Variants in RNF125 observed in about 807,000 individuals in gnomAD.
The protein encoded by RNF125 is ring finger protein 125, also known as E3 ubiquitin-protein ligase RNF125.
A neutral mutation model predicts 26.0 loss-of-function variants in RNF125; 21 were observed. That is an observed-to-expected ratio of 0.81 (90% CI 0.57 to 1.16). RNF125 has a LOEUF of 1.16. RNF125 is among the 50% of genes most tolerant of loss of function. The probability of loss-of-function intolerance (pLI) is 0.00; values close to 1 mark genes in which losing one functional copy is unlikely to be tolerated. For synonymous variants in RNF125, 95 were observed against 109.2 expected (o/e 0.87, Z 0.81); for missense variants, 270 against 299.4 (o/e 0.90, Z 0.72).
intron 4 of RNF125, among the ~76,000 whole-genome samples, chr18:32,048,473 AG>A (rs1478195846): frequency 6.6e-6 from 1 of 151,972 alleles, no homozygotes; most frequent in East Asian, 1.9e-4. Flanking sequence ...AAAAAAAAAG[AG>A]AGAAAATCCT....
chr18:32,055,839 T>C lies in RNF125; in HGVS notation c.505-10063T>C, dbSNP rs1351631009. On this transcript the variant is annotated intron_variant, in intron 4 of 5. Coordinates refer to ENST00000217740, the MANE Select transcript of RNF125 (RefSeq NM_017831.4). ...TACTAAAAATACAAAATTAGCCGGG[T>C]GTGGTGGCGCATGCCTGTAATCCCA... Among the ~76,000 whole-genome samples, 6 of 151,066 alleles carry C rather than the reference T, an allele frequency of 4.0e-5. No homozygotes were observed. In the South Asian group the frequency reaches 1.0e-3, roughly 26 times the overall value.
At chr18:32,019,879 G>A (rs1055031805) in intron 1 of RNF125, among the ~76,000 whole-genome samples, 5 of 152,320 alleles carry the variant, frequency 3.3e-5, no homozygotes, top group Non-Finnish European at 7.3e-5. Context: ...CACAGTTGGT[G>A]CAAAGCCGTG....
At chr18:32,020,143 G>T (rs2038973303) in intron 1 of RNF125, among the ~76,000 whole-genome samples, 1 of 151,816 alleles carries the variant, frequency 6.6e-6, no homozygotes, top group Non-Finnish European at 1.5e-5. Context: ...CGCCTCCCAG[G>T]CTCAAGTGAG....
At chr18:32,049,490 C>T (rs1006638276) in intron 4 of RNF125, among the ~76,000 whole-genome samples, 7 of 151,876 alleles carry the variant, frequency 4.6e-5, no homozygotes, top group Middle Eastern at 3.4e-3. Context: ...TGGAGGTTCA[C>T]TACACTTTTT....
chr18:32,037,602 G>T (rs57798472), intron 2 of RNF125, among the ~76,000 whole-genome samples: 1 of 151,970 alleles, frequency 6.6e-6, no homozygotes, highest in African/African-American at 2.4e-5. Context: ...TCAATCTCCT[G>T]ACCTCATTAC....
intron 3 of RNF125, among the ~76,000 whole-genome samples, chr18:32,044,364 A>C (rs1215023674): frequency 6.6e-6 from 1 of 152,252 alleles, no homozygotes; most frequent in Admixed American, 6.5e-5. Flanking sequence ...ATTTAAACAA[A>C]TAAGAAGATA....
intron 1 of RNF125, among the ~76,000 whole-genome samples, chr18:32,025,095 T>G (rs1232686810): frequency 1.3e-5 from 2 of 151,988 alleles, no homozygotes; most frequent in Admixed American, 1.3e-4. Flanking sequence ...AAAACCTAGC[T>G]TGATTTACCA....
At chr18:32,075,034 C>A (rs933274951), downstream of RNF125, among the ~76,000 whole-genome samples, 1 of 152,138 alleles carries the variant, frequency 6.6e-6, no homozygotes. Context: ...TCCTTGTGTG[C>A]CGCCATCAGA....
At chr18:32,057,998 G>A (rs1196496465) in intron 4 of RNF125, among the ~76,000 whole-genome samples, 2 of 151,942 alleles carry the variant, frequency 1.3e-5, no homozygotes, top group Non-Finnish European at 2.9e-5. Context: ...CAGGCACCGT[G>A]GCTTATGCCA....
chr18:32,059,816 A>G (rs2039418664), intron 4 of RNF125, among the ~76,000 whole-genome samples: 1 of 152,134 alleles, frequency 6.6e-6, no homozygotes, highest in African/African-American at 2.4e-5. Context: ...ATTTGATACT[A>G]TCTTGACCAG....
the RNF125 span, among the ~76,000 whole-genome samples, chr18:32,085,402 A>AGG: frequency 6.8e-6 from 1 of 147,210 alleles, no homozygotes; most frequent in Non-Finnish European, 1.5e-5. Context: ...AGAGAGAGAG[A>AGG]GAGAGAGAGA....
chr18:32,032,244 T>C (rs1003467228), intron 1 of RNF125, among the ~76,000 whole-genome samples: 1 of 151,258 alleles, frequency 6.6e-6, no homozygotes, highest in African/African-American at 2.4e-5. Context: ...GCCTGGCCAA[T>C]TTTTGGTATT....
At chr18:32,046,971 C>T (rs796799126) in intron 4 of RNF125, among the ~76,000 whole-genome samples, 12 of 152,280 alleles carry the variant, frequency 7.9e-5, no homozygotes, top group African/African-American at 2.6e-4. Flanking sequence ...CAGGTTCAAG[C>T]GATCCTCCTG....
Position 32,028,398 on chromosome 18 carries a change from G to C in RNF125, c.165-8718G>C, listed in dbSNP as rs888689443. 3.4e-5 allele frequency among the ~76,000 whole-genome samples: 5 copies of C among 149,050 alleles called. No homozygotes were observed. In the South Asian group the frequency reaches 1.1e-3, roughly 32 times the overall value. On this transcript the variant is annotated intron_variant, in intron 1 of 5. Coordinates refer to ENST00000217740, the MANE Select transcript of RNF125 (RefSeq NM_017831.4). ...TTTCAGACTCTTGGTTAATCTCCTA[G>C]ATTGGGCAGGGGAGACCTCAGAAAG... is the stretch of plus-strand genomic sequence containing the variant.
the RNF125 span, among the ~76,000 whole-genome samples, chr18:32,078,342 C>CA: frequency 1.3e-5 from 2 of 151,660 alleles, no homozygotes; most frequent in African/African-American, 2.4e-5. Context: ...TTCATAATGA[C>CA]AAAAAAAGGA....
intron 2 of RNF125, among the ~76,000 whole-genome samples, chr18:32,040,269 C>CTTTTTTTT (rs1185186501): frequency 9.6e-6 from 1 of 104,488 alleles, no homozygotes; most frequent in African/African-American, 3.8e-5. Context: ...CAATTTCTTT[C>CTTTTTTTT]TTTTTTTTTT....
chr18:32,058,132 TAAAAA>T (rs780204451), intron 4 of RNF125, among the ~76,000 whole-genome samples: 5 of 80,670 alleles, frequency 6.2e-5, no homozygotes, highest in African/African-American at 5.1e-5. Context: ...ACCCCATCTC[TAAAAA>T]AAAAAAAAAA....
chr18:32,049,152 G>A (rs1299479431), intron 4 of RNF125, among the ~76,000 whole-genome samples: 1 of 152,146 alleles, frequency 6.6e-6, no homozygotes, highest in East Asian at 1.9e-4. Flanking sequence ...CCAAATTGAA[G>A]GTGGCCCATG....
downstream of RNF125, among the ~76,000 whole-genome samples, chr18:32,077,130 T>C (rs1443277560): frequency 2.6e-5 from 4 of 152,148 alleles, no homozygotes; most frequent in Non-Finnish European, 5.9e-5. Context: ...ATTTCAGCTG[T>C]CTAATCTATC....
Sources: allele counts gnomAD v4.1 joint callset (sites outside exome capture counted in the v4.1 genomes callset), GRCh38; gene constraint gnomAD v4.1.1; transcripts MANE v1.5; gene names NCBI Gene and HGNC (gene_info 2026-07-23, HGNC 2026-07-21).